RGS1: variants seen among roughly 807,000 people sequenced by gnomAD.
RGS1 encodes the protein regulator of G protein signaling 1.
In RGS1, 11 loss-of-function variants were observed where a neutral mutation model predicts 22.2. That is an observed-to-expected ratio of 0.50 (90% CI 0.31 to 0.82). The LOEUF (loss-of-function observed/expected upper bound fraction) is 0.82. Among genes scored for constraint, RGS1 ranks in the 40% least tolerant of loss-of-function variants. RGS1 has a pLI of 0.04. For synonymous variants in RGS1, 81 were observed against 79.9 expected (o/e 1.01, Z -0.07); for missense variants, 255 against 245.8 (o/e 1.04, Z -0.25).
In RGS1 at chr1:192,579,197, A is replaced by T; in HGVS notation, c.505A>T (p.Thr169Ser). ...CAAGAAGATTAAAGCACCAACCCCC[A>T]CGTGTTTTGATGAAGCACAAAAAGT... The part of the protein sequence containing the change: ...TAKKIKAPTP[T>S]CFDEAQKVIY... Residue 169 changes from threonine (T) to serine (S), a missense_variant, in exon 5 of 5, where the codon ACG becomes TCG. Thr to Ser is a moderately conservative substitution (Grantham distance 58). Transcript: ENST00000367459. 6.2e-7 allele frequency: 1 copy of T among 1,613,240 alleles called. No individual in the cohort carries two copies. Among genetic ancestry groups the T allele is most frequent in the Non-Finnish European group, 8.5e-7 (1 of 1,179,466 alleles).
intron 1 of RGS1, 60 bp downstream of exon 1, chr1:192,575,989 G>A: frequency 4.4e-6 from 7 of 1,585,698 alleles, no homozygotes; most frequent in Non-Finnish European, 6.0e-6. Context: ...ATGGCAGAAG[G>A]ATTGAGAATG....
At position 192,579,408 on chromosome 1, in the gene RGS1, C is replaced by CT; in HGVS notation, c.*92dup. The CT allele has an allele frequency of 7.7e-7, 1 of 1,300,014 alleles. No homozygotes were observed. Among genetic ancestry groups the CT allele is most frequent in the East Asian group, 2.4e-5 (1 of 41,858 alleles). 80.5% of individuals were successfully genotyped at this position (1,300,014 alleles called of 1,614,324 possible). On this transcript the variant is annotated 3_prime_UTR_variant, in exon 5 of 5. Coordinates refer to ENST00000367459, the MANE Select transcript of RGS1 (RefSeq NM_002922.4). Reference sequence around the variant, plus strand: ...TGGCTCCCTGGGTGAACAGCTTGGCCTTTTTTGGGTGTCTTGACAGGCCAA... The same window carrying CT: ...TGGCTCCCTGGGTGAACAGCTTGGCCTTTTTTTGGGTGTCTTGACAGGCCAA...
intron 2 of RGS1, 90 bp downstream of exon 2, chr1:192,576,455 G>C: frequency 2.2e-6 from 2 of 899,696 alleles, no homozygotes; most frequent in East Asian, 4.9e-5. Context: ...TAAATACTGC[G>C]CACAGTAGAC....
At chr1:192,576,454 C>T (rs1571548085) in intron 2 of RGS1, 89 bp downstream of exon 2, 16 of 902,474 alleles carry the variant, frequency 1.8e-5, no homozygotes, top group East Asian at 4.9e-5. Flanking sequence ...ATAAATACTG[C>T]GCACAGTAGA....
At chr1:192,577,564 A>G (rs1458486732) in intron 3 of RGS1, 1 of 152,442 alleles carries the variant, frequency 6.6e-6, no homozygotes, top group Non-Finnish European at 1.5e-5. Context: ...CTATCTCTAA[A>G]GAGTGAGATT....
At position 192,579,414 on chromosome 1, in the gene RGS1, T is replaced by G; in HGVS notation, c.*92T>G. ...CCTGGGTGAACAGCTTGGCCTTTTT[T>G]GGGTGTCTTGACAGGCCAAGAAGAA... is the stretch of plus-strand genomic sequence containing the variant. On this transcript the variant is annotated 3_prime_UTR_variant, in exon 5 of 5. Transcript: ENST00000367459. 1 of 1,206,744 alleles carries G rather than the reference T, an allele frequency of 8.3e-7. No individual in the cohort carries two copies. Among genetic ancestry groups the G allele is most frequent in the Admixed American group, 2.4e-5 (1 of 41,222 alleles). The allele number at this position is 1,206,744 out of a possible 1,614,324, so 74.8% of individuals were successfully genotyped here.
At chr1:192,576,228 T>G in intron 1 of RGS1, 57 bp from the exon 2 acceptor site, 1 of 1,360,728 alleles carries the variant, frequency 7.3e-7, no homozygotes, top group East Asian at 2.3e-5. Flanking sequence ...CTATGTCTTT[T>G]TACAAATAAA....
chr1:192,578,028 T>C (rs1388759051), intron 3 of RGS1, 194 bp from the exon 4 acceptor site: 4 of 635,978 alleles, frequency 6.3e-6, no homozygotes, highest in East Asian at 5.9e-5. Context: ...AGATTCCTCT[T>C]CTATGAATGA....
chr1:192,578,374 G>A lies in RGS1; in HGVS notation c.433G>A (p.Ala145Thr), dbSNP rs888474255. 7 of 1,612,554 alleles carry A rather than the reference G, an allele frequency of 4.3e-6. No homozygotes were observed. Among genetic ancestry groups the A allele is most frequent in the Non-Finnish European group, 5.9e-6 (7 of 1,179,450 alleles). ...EIYKAFVHSD[A>T]AKQINIDFRT... Reference sequence around the variant, plus strand: ...ATATAAAGCATTTGTGCATTCAGATGCTGCTAAACAAGTGAGTATTAAGCT... The same window carrying A: ...ATATAAAGCATTTGTGCATTCAGATACTGCTAAACAAGTGAGTATTAAGCT... Residue 145 changes from alanine to threonine, a missense_variant, in exon 4 of 5, where the codon GCT becomes ACT. Coordinates refer to ENST00000367459, the MANE Select transcript of RGS1 (RefSeq NM_002922.4).
chr1:192,578,200 C>T (rs548171485), intron 3 of RGS1, 22 bp from the exon 4 acceptor site: 1 of 1,591,370 alleles, frequency 6.3e-7, no homozygotes, highest in African/African-American at 1.4e-5. Context: ...TATCTCCCCA[C>T]CCACCCCTCG....
At chr1:192,577,056 A>G (rs2102319336) in intron 3 of RGS1, 1 of 409,794 alleles carries the variant, frequency 2.4e-6, no homozygotes, top group East Asian at 3.6e-5. Context: ...ACAATTAGGT[A>G]TTTTCATAGA....
chr1:192,578,095 A>G, intron 3 of RGS1, 127 bp from the exon 4 acceptor site: 1 of 1,083,712 alleles, frequency 9.2e-7, no homozygotes, highest in Non-Finnish European at 1.3e-6. Context: ...TTTCAGCAGT[A>G]GCTGTCTCTT....
chr1:192,577,746 A>G (rs1571548831), intron 3 of RGS1: 1 of 161,340 alleles, frequency 6.2e-6, no homozygotes, highest in East Asian at 1.8e-4. Flanking sequence ...TAATTAGTAC[A>G]TCAGGCCTAC....
In RGS1 at chr1:192,576,279, T is replaced by C. The variant is rs1362573400; in HGVS notation, c.138-6T>C. 1 of 1,587,274 alleles carries C rather than the reference T, an allele frequency of 6.3e-7. No individual in the cohort carries two copies. The highest frequency in any genetic ancestry group is 1.7e-5 in the Admixed American group (1 of 58,910). On this transcript the variant is annotated splice_polypyrimidine_tract_variant and splice_region_variant and intron_variant, in intron 1 of 4. Transcript: ENST00000367459. ...ATATGAATATTCACTTTTATGTCTT[T>C]TGTAGTGGAATGGATATGAAAGCAT...
chr1:192,578,215 T>C lies in RGS1; in HGVS notation c.281-7T>C. 2 of 1,605,618 alleles carry C rather than the reference T, an allele frequency of 1.2e-6. No individual in the cohort carries two copies. The highest frequency in any genetic ancestry group is 1.7e-6 in the Non-Finnish European group (2 of 1,176,232). ...TATCTCCCCACCCACCCCTCGTTTC[T>C]TTTTAGCTGGTCAAAATGTCTTTGG... is the stretch of plus-strand genomic sequence containing the variant. On this transcript the variant is annotated splice_region_variant and splice_polypyrimidine_tract_variant and intron_variant, in intron 3 of 4. Transcript: ENST00000367459.
intron 4 of RGS1, chr1:192,578,876 G>T: frequency 2.2e-6 from 1 of 446,312 alleles, no homozygotes; most frequent in Non-Finnish European, 3.9e-6. Context: ...ATCTTATGTG[G>T]ATACTTAAAT....
chr1:192,575,951 C>T (rs752379646), intron 1 of RGS1, 22 bp downstream of exon 1: 22 of 1,610,902 alleles, frequency 1.4e-5, no homozygotes, highest in Non-Finnish European at 1.7e-5. Context: ...CAGAGTCTCA[C>T]TTTGTGAATT....
At position 192,578,367 on chromosome 1, in the gene RGS1, T is replaced by C. The variant is rs1662100676; in HGVS notation, c.426T>C (p.His142=). 1.2e-6 allele frequency: 2 copies of C among 1,612,804 alleles called. No individual in the cohort carries two copies. Among genetic ancestry groups the C allele is most frequent in the East Asian group, 4.5e-5 (2 of 44,828 alleles). The part of the protein sequence containing the change: ...KAEEIYKAFV[H]SDAAKQINID... ...AAGAGATATATAAAGCATTTGTGCA[T>C]TCAGATGCTGCTAAACAAGTGAGTA... is the stretch of plus-strand genomic sequence containing the variant. Residue 142 remains histidine (H), a synonymous_variant, in exon 4 of 5, where the codon CAT becomes CAC. Transcript: ENST00000367459.
rs781045595 is a variant in RGS1, at chr1:192,579,179, A to T, written c.487A>T (p.Ile163Phe). ...FRTRESTAKK[I>F]KAPTPTCFDE... ...CACTCGAGAATCTACAGCCAAGAAG[A>T]TTAAAGCACCAACCCCCACGTGTTT... Residue 163 changes from isoleucine to phenylalanine, a missense_variant, in exon 5 of 5, where the codon ATT becomes TTT. By Grantham distance (21) the Ile-to-Phe change is conservative. Coordinates refer to ENST00000367459, the MANE Select transcript of RGS1 (RefSeq NM_002922.4). 1 of 1,613,262 alleles carries T rather than the reference A, an allele frequency of 6.2e-7. No homozygotes were observed. The highest frequency in any genetic ancestry group is 8.5e-7 in the Non-Finnish European group (1 of 1,179,460).
Sources: gnomAD v4.1 joint callset for allele counts on GRCh38, gnomAD v4.1.1 for gene constraint, MANE v1.5 for transcripts, NCBI Gene and HGNC (gene_info 2026-07-23, HGNC 2026-07-21) for gene names.